Variants in RFPL4AL1 observed in about 807,000 individuals in gnomAD.
RFPL4AL1 encodes the protein ret finger protein-like 4A-like protein 1.
RFPL4AL1 carries 2 observed loss-of-function variants against 8.2 expected under a neutral mutation model. The ratio of observed to expected loss-of-function variants is 0.24; its 90% confidence interval spans 0.10 to 0.77. RFPL4AL1 has a LOEUF of 0.77. Among genes scored for constraint, RFPL4AL1 ranks in the 30% least tolerant of loss-of-function variants. The probability of loss-of-function intolerance (pLI) is 0.72; values close to 1 mark genes in which losing one functional copy is unlikely to be tolerated. For missense variants in RFPL4AL1, 57 were observed against 350.3 expected (o/e 0.16, Z 6.68); for synonymous variants, 25 against 131.8 (o/e 0.19, Z 5.55).
At chr19:55,771,564 A>G (rs1207863677) in intron 1 of RFPL4AL1, among the ~76,000 whole-genome samples, 3 of 148,720 alleles carry the variant, frequency 2.0e-5, no homozygotes, top group Non-Finnish European at 4.5e-5. Flanking sequence ...TTCAACTCAA[A>G]GTCTTTCGGT....
chr19:55,772,546 G>A (rs1989520060), intron 2 of RFPL4AL1, 56 bp from the exon 3 acceptor site: 1 of 1,138,582 alleles, frequency 8.8e-7, no homozygotes, highest in Non-Finnish European at 1.2e-6. Flanking sequence ...CAGTCAAAGG[G>A]CAGAGGGAGT....
At position 55,769,158 on chromosome 19, in the gene RFPL4AL1, G is replaced by C. The variant is rs1328765140; in HGVS notation, c.-27G>C. On this transcript the variant is annotated 5_prime_UTR_variant, in exon 1 of 3. Transcript: ENST00000341750. The stretch of plus-strand genomic sequence containing the variant: ...GCAGAAGCAGCTGGAGGCCAGGGGA[G>C]AAACTCCAGAAGGAGAGGTGAGTTC... The C allele has an allele frequency of 1.3e-5, 2 of 153,516 alleles. No homozygotes were observed. Among genetic ancestry groups the C allele is most frequent in the African/African-American group, 4.8e-5 (2 of 41,452 alleles). The allele number at this position is 153,516 out of a possible 1,614,324, so 9.5% of individuals were successfully genotyped here.
At chr19:55,769,973 C>A (rs1989459504) in intron 1 of RFPL4AL1, among the ~76,000 whole-genome samples, 1 of 151,984 alleles carries the variant, frequency 6.6e-6, no homozygotes, top group Non-Finnish European at 1.5e-5. Context: ...GGGTTGTTTC[C>A]ATGGCTGTTG....
chr19:55,770,841 T>C (rs1227330864), intron 1 of RFPL4AL1, among the ~76,000 whole-genome samples: 3 of 151,982 alleles, frequency 2.0e-5, no homozygotes. Flanking sequence ...ACAGTATTCC[T>C]GCCTCAGTTT....
intron 1 of RFPL4AL1, among the ~76,000 whole-genome samples, chr19:55,770,854 A>T (rs1363860373): frequency 6.6e-6 from 1 of 151,942 alleles, no homozygotes; most frequent in Non-Finnish European, 1.5e-5. Flanking sequence ...CTCAGTTTAA[A>T]TTGCATTTCT....
At chr19:55,771,086 G>GTTTTTTTTTTTTTTTTTTTTTTTTTTTTT (rs74183507) in intron 1 of RFPL4AL1, among the ~76,000 whole-genome samples, 1 of 130,380 alleles carries the variant, frequency 7.7e-6, no homozygotes. Flanking sequence ...TCTGTTTTTT[G>GTTTTTTTTTTTTTTTTTTTTTTTTTTTTT]TTTTTTTTTT....
intron 1 of RFPL4AL1, among the ~76,000 whole-genome samples, chr19:55,770,436 TG>T (rs2122663741): frequency 6.6e-6 from 1 of 152,006 alleles, no homozygotes; most frequent in East Asian, 1.9e-4. Flanking sequence ...GAGAGAAGTG[TG>T]GGCGTGATTC....
intron 1 of RFPL4AL1, 142 bp from the exon 2 acceptor site, chr19:55,771,654 T>A (rs1989499932): frequency 2.0e-6 from 2 of 1,017,446 alleles, no homozygotes; most frequent in South Asian, 3.1e-5. Context: ...GTATTCATGT[T>A]GTGTCTTCAT....
chr19:55,769,935 C>G lies in RFPL4AL1; in HGVS notation c.-10+760C>G, dbSNP rs187742665. The stretch of plus-strand genomic sequence containing the variant: ...AATCCAATGTATATATCACCATTTC[C>G]TCATCTATTTTTCTCTCACAGACGC... On this transcript the variant is annotated intron_variant, in intron 1 of 2. Transcript: ENST00000341750. Among the ~76,000 whole-genome samples, 16 of 152,066 alleles carry G rather than the reference C, an allele frequency of 1.1e-4. 1 individual carries two copies. The highest frequency in any genetic ancestry group is 5.8e-4 in the East Asian group (3 of 5,192).
intron 1 of RFPL4AL1, among the ~76,000 whole-genome samples, chr19:55,770,350 A>T (rs1212608212): frequency 6.6e-6 from 1 of 151,910 alleles, no homozygotes; most frequent in Non-Finnish European, 1.5e-5. Flanking sequence ...TGCTGTCGGG[A>T]GAACGAATTC....
intron 1 of RFPL4AL1, among the ~76,000 whole-genome samples, chr19:55,770,232 C>T (rs1336003078): frequency 1.3e-5 from 2 of 152,068 alleles, no homozygotes; most frequent in South Asian, 2.1e-4. Flanking sequence ...TCATAGCCAT[C>T]CTAGCAGAGA....
chr19:55,773,135 A>T lies in RFPL4AL1; in HGVS notation c.820A>T (p.Asn274Tyr), dbSNP rs1193607867. Residue 274 changes from asparagine (N) to tyrosine (Y), a missense_variant, in exon 3 of 3, where the codon AAT (asparagine) becomes TAT (tyrosine). Asn to Tyr is a moderately radical substitution (Grantham distance 143). Coordinates refer to ENST00000341750, the MANE Select transcript of RFPL4AL1 (RefSeq NM_001277397.2). ...QSILSICSVINPSTASAPVSS... is the reference protein window; with the variant it reads ...QSILSICSVIYPSTASAPVSS... The stretch of plus-strand genomic sequence containing the variant: ...CATCCTGAGTATCTGTTCTGTGATC[A>T]ATCCATCCACTGCCAGTGCCCCAGT... 1 of 1,545,116 alleles carries T rather than the reference A, an allele frequency of 6.5e-7. No homozygotes were observed.
At chr19:55,771,094 T>G (rs1477624707) in intron 1 of RFPL4AL1, among the ~76,000 whole-genome samples, 2 of 149,212 alleles carry the variant, frequency 1.3e-5, no homozygotes, top group East Asian at 1.9e-4. Flanking sequence ...TTGTTTTTTT[T>G]TTTTTTTTTT....
intron 1 of RFPL4AL1, among the ~76,000 whole-genome samples, chr19:55,770,120 C>A (rs1433728210): frequency 6.6e-6 from 1 of 151,988 alleles, no homozygotes; most frequent in Non-Finnish European, 1.5e-5. Flanking sequence ...AACCTCCCTA[C>A]TATTTTCTGT....
intron 1 of RFPL4AL1, 24 bp downstream of exon 1, chr19:55,769,199 A>G (rs1417163015): frequency 6.6e-6 from 1 of 152,248 alleles, no homozygotes; most frequent in African/African-American, 2.4e-5. Context: ...TATGGAATTC[A>G]TTTTTACAAA....
intron 1 of RFPL4AL1, among the ~76,000 whole-genome samples, chr19:55,770,293 C>T (rs1357996248): frequency 6.6e-6 from 1 of 151,964 alleles, no homozygotes; most frequent in Non-Finnish European, 1.5e-5. Flanking sequence ...AGGAGGCTCT[C>T]TGGATGCCAG....
intron 1 of RFPL4AL1, among the ~76,000 whole-genome samples, chr19:55,769,377 A>G (rs1199972096): frequency 6.6e-6 from 1 of 151,922 alleles, no homozygotes; most frequent in Non-Finnish European, 1.5e-5. Context: ...AGACTTGACA[A>G]TCTCCATTTG....
chr19:55,771,086 G>GTTT (rs74183507), intron 1 of RFPL4AL1, among the ~76,000 whole-genome samples: 28 of 130,372 alleles, frequency 2.1e-4, no homozygotes, highest in East Asian at 6.7e-4. Flanking sequence ...TCTGTTTTTT[G>GTTT]TTTTTTTTTT....
chr19:55,770,339 A>T (rs1421469321), intron 1 of RFPL4AL1, among the ~76,000 whole-genome samples: 3 of 152,050 alleles, frequency 2.0e-5, no homozygotes, highest in South Asian at 2.1e-4. Flanking sequence ...CAGGTTCTGG[A>T]TGCTGTCGGG....
Sources: allele counts gnomAD v4.1 joint callset (sites outside exome capture counted in the v4.1 genomes callset), GRCh38; gene constraint gnomAD v4.1.1; transcripts MANE v1.5; gene names NCBI Gene and HGNC (gene_info 2026-07-23, HGNC 2026-07-21).